Variants in TRAF2 observed in about 807,000 individuals in gnomAD.
TRAF2 encodes the protein TNF receptor-associated factor 2.
TRAF2 carries 6 observed loss-of-function variants against 55.6 expected under a neutral mutation model. The observed-to-expected ratio is 0.11, with a 90% CI of 0.06 to 0.21. TRAF2 has a LOEUF of 0.21. TRAF2 is among the 10% of genes least tolerant of loss of function. The pLI is 1.00. For synonymous variants in TRAF2, 329 were observed against 276.3 expected (o/e 1.19, Z -1.89); for missense variants, 561 against 684.5 (o/e 0.82, Z 2.01).
At chr9:136,904,980 G>A (rs1019555560) in intron 4 of TRAF2, among the ~76,000 whole-genome samples, 1 of 152,240 alleles carries the variant, frequency 6.6e-6, no homozygotes, top group African/African-American at 2.4e-5. Context: ...GTTCCCTGGG[G>A]CGCCTCTAAG....
chr9:136,885,399 G>C (rs933773220), upstream of TRAF2, among the ~76,000 whole-genome samples: 1 of 152,146 alleles, frequency 6.6e-6, no homozygotes, highest in East Asian at 1.9e-4. Context: ...TGCACCGCCA[G>C]AGAGAACCTG....
chr9:136,884,692 G>A (rs1849414078), upstream of TRAF2, among the ~76,000 whole-genome samples: 1 of 152,240 alleles, frequency 6.6e-6, no homozygotes, highest in African/African-American at 2.4e-5. Context: ...AAGCAGTTGG[G>A]ACTACAGGTG....
chr9:136,898,656 T>G, intron 1 of TRAF2, 57 bp from the exon 2 acceptor site: 1 of 1,592,812 alleles, frequency 6.3e-7, no homozygotes, highest in Non-Finnish European at 8.5e-7. Context: ...TTGGTTTGGT[T>G]TTGTCTCGAG....
Position 136,926,466 on chromosome 9 carries a change from G to A in TRAF2, c.*565G>A, listed in dbSNP as rs904164543. On this transcript the variant is annotated 3_prime_UTR_variant, in exon 11 of 11. Transcript: ENST00000247668. The stretch of plus-strand genomic sequence containing the variant: ...GCTCTGGTCTGTGCCACCTTGGCCA[G>A]GCTGGCTGTGGGAGAGGGTCTGGTC... 7.2e-6 allele frequency: 1 copy of A among 137,994 alleles called. No individual in the cohort carries two copies. Among genetic ancestry groups the A allele is most frequent in the Non-Finnish European group, 1.3e-5 (1 of 76,128 alleles). 8.5% of individuals were successfully genotyped at this position (137,994 alleles called of 1,614,324 possible). A position where few individuals can be genotyped will look rare whatever the true frequency, so the allele number is the denominator to read the frequency against.
intron 6 of TRAF2, among the ~76,000 whole-genome samples, chr9:136,910,258 A>G (rs1340136771): frequency 6.6e-6 from 1 of 152,196 alleles, no homozygotes; most frequent in East Asian, 1.9e-4. Flanking sequence ...GTCACTTCCT[A>G]GTTATCCTGA....
chr9:136,901,547 C>T (rs1365970150), intron 4 of TRAF2, among the ~76,000 whole-genome samples: 1 of 152,180 alleles, frequency 6.6e-6, no homozygotes, highest in Admixed American at 6.5e-5. Flanking sequence ...TTAGGGGCCA[C>T]CCTTAGAGTC....
In TRAF2 at chr9:136,925,701, G is replaced by GACCAGAATAACC. The variant is rs1564424515; in HGVS notation, c.1307_1318dup (p.Asn439_Arg440insHisGlnAsnAsn). 1 of 1,614,050 alleles carries GACCAGAATAACC rather than the reference G, an allele frequency of 6.2e-7. No homozygotes were observed. Among genetic ancestry groups the GACCAGAATAACC allele is most frequent in the Admixed American group, 1.7e-5 (1 of 60,026 alleles). ...CCTCCAGGTGACCTTAATGCTGCTC[G>GACCAGAATAACC]ACCAGAATAACCGGGAGCACGTGAT... On this transcript the variant is annotated inframe_insertion, in exon 11 of 11. Coordinates refer to ENST00000247668, the MANE Select transcript of TRAF2 (RefSeq NM_021138.4).
chr9:136,886,253 T>G (rs913140667), upstream of TRAF2: 38 of 300,668 alleles, frequency 1.3e-4, no homozygotes, highest in Non-Finnish European at 1.6e-4. Flanking sequence ...GGCGCGCTCT[T>G]TGAGGAAAAA....
rs575818876 is a variant in TRAF2, at chr9:136,920,501, G to A, written c.946G>A (p.Ala316Thr). 6.2e-7 allele frequency: 1 copy of A among 1,610,784 alleles called. No individual in the cohort carries two copies. Among genetic ancestry groups the A allele is most frequent in the African/African-American group, 1.3e-5 (1 of 74,960 alleles). ...QHRLDQDKIEALSSKVQQLER... is the reference protein window; with the variant it reads ...QHRLDQDKIETLSSKVQQLER... ...CCGGCTGGACCAAGACAAGATTGAA[G>A]CCCTGAGTAGCAAGGTTTGTGCCTG... Residue 316 changes from alanine (A) to threonine (T), a missense_variant, in exon 8 of 11, where the codon GCC (alanine) becomes ACC (threonine). Ala to Thr is a moderately conservative substitution (Grantham distance 58, BLOSUM62 0). Transcript: ENST00000247668.
In TRAF2 at chr9:136,907,618, C is replaced by T. The variant is rs546334912; in HGVS notation, c.367-452C>T. On this transcript the variant is annotated intron_variant, in intron 4 of 10. Transcript: ENST00000247668. ...GTGTTCCCTACCTCTTCACACCTCC[C>T]ACCTGCAATGAGGATGGGGCTGGGA... is the stretch of plus-strand genomic sequence containing the variant. Among the ~76,000 whole-genome samples the T allele has an allele frequency of 7.9e-4, 120 of 152,308 alleles. 1 individual carries two copies. The Middle Eastern group carries it at 0.01, about 13-fold the overall frequency.
At chr9:136,919,444 C>T (rs1850329116) in intron 7 of TRAF2, among the ~76,000 whole-genome samples, 1 of 151,724 alleles carries the variant, frequency 6.6e-6, no homozygotes, top group African/African-American at 2.4e-5. Flanking sequence ...TACAGGCGTG[C>T]ACCACCACGC....
At chr9:136,918,262 TTTA>T (rs1355246839) in intron 7 of TRAF2, among the ~76,000 whole-genome samples, 1 of 31,810 alleles carries the variant, frequency 3.1e-5, no homozygotes, top group African/African-American at 2.1e-4. Context: ...TATATATTTA[TTTA>T]ATTAATTAAT....
chr9:136,916,116 T>C (rs763398027), intron 6 of TRAF2, among the ~76,000 whole-genome samples: 29 of 152,252 alleles, frequency 1.9e-4, no homozygotes, highest in Middle Eastern at 3.4e-3. Flanking sequence ...CTTGGCCCCT[T>C]TCTGGATTTT....
chr9:136,893,974 T>G (rs1849631288), intron 1 of TRAF2, among the ~76,000 whole-genome samples: 2 of 151,098 alleles, frequency 1.3e-5, no homozygotes, highest in Non-Finnish European at 2.9e-5. Flanking sequence ...GGTCTCAAAC[T>G]CCTGACCTCG....
intron 4 of TRAF2, among the ~76,000 whole-genome samples, chr9:136,903,185 A>G (rs1409421449): frequency 6.6e-6 from 1 of 152,120 alleles, no homozygotes; most frequent in Non-Finnish European, 1.5e-5. Context: ...TCCTTACCTC[A>G]AGTGATCCAT....
chr9:136,924,773 T>C (rs1326965360), intron 10 of TRAF2, among the ~76,000 whole-genome samples: 1 of 152,026 alleles, frequency 6.6e-6, no homozygotes, highest in African/African-American at 2.4e-5. Context: ...GGAGTCTTGC[T>C]CTGTCGCCCA....
intron 1 of TRAF2, among the ~76,000 whole-genome samples, chr9:136,893,894 C>T (rs936580496): frequency 1.3e-5 from 2 of 151,828 alleles, no homozygotes; most frequent in Non-Finnish European, 2.9e-5. Flanking sequence ...GGATTACAGG[C>T]GTGCACCACC....
chr9:136,920,970 G>GT lies in TRAF2; in HGVS notation c.961-67dup. ...GCACTGTCCTGCTGGAGATCGGTGG[G>GT]TGTGGGAGGCAGGGGCTCGTGCCCG... is the stretch of plus-strand genomic sequence containing the variant. On this transcript the variant is annotated intron_variant, in intron 8 of 10. Coordinates refer to ENST00000247668, the MANE Select transcript of TRAF2 (RefSeq NM_021138.4). The GT allele has an allele frequency of 1.6e-5, 26 of 1,582,308 alleles. 1 individual carries two copies. The South Asian group carries it at 2.9e-4, about 18-fold the overall frequency.
intron 2 of TRAF2, 67 bp from the exon 3 acceptor site, chr9:136,899,527 G>A (rs1849766225): frequency 6.0e-6 from 9 of 1,493,100 alleles, no homozygotes; most frequent in East Asian, 2.3e-5. Flanking sequence ...TTGAACTGAA[G>A]CAAATGGTGT....
Sources: gnomAD v4.1 joint callset for allele counts (sites outside exome capture counted in the v4.1 genomes callset) on GRCh38, gnomAD v4.1.1 for gene constraint, MANE v1.5 for transcripts, NCBI Gene and HGNC (gene_info 2026-07-23, HGNC 2026-07-21) for gene names.